The following TPM1 variants were observed in gnomAD, a reference collection of about 807,000 sequenced individuals.
The protein encoded by TPM1 is tropomyosin alpha-1 chain.
A neutral mutation model predicts 42.9 loss-of-function variants in TPM1; 24 were observed. The ratio of observed to expected loss-of-function variants is 0.56; its 90% confidence interval spans 0.41 to 0.79. TPM1 has a LOEUF of 0.79. Ranked by LOEUF, TPM1 falls within the 30% of genes least tolerant of loss-of-function variation. The pLI, the probability that TPM1 is intolerant of heterozygous loss-of-function variation, is 0.00. For missense variants in TPM1, 158 were observed against 351.8 expected, an observed-to-expected ratio of 0.45 and a Z score of 4.41; for synonymous variants, 136 against 130.1, an observed-to-expected ratio of 1.05 and a Z score of -0.31.
intron 9 of TPM1, chr15:63,064,784 T>TTTCACCGTGTTA: frequency 1.6e-6 from 1 of 628,928 alleles, no homozygotes; most frequent in Non-Finnish European, 2.0e-6. Context: ...GCTAACACGG[T>TTTCACCGTGTTA]GAAACCCTGT....
Position 63,063,390 on chromosome 15 carries a change from A to G in TPM1, c.773-674A>G. ...ATGATCTGCCAAAGTGCAGCAAAGTATGAAACCTGCAGCATTACAAAAACT... is the reference window on the plus strand; with the variant it reads ...ATGATCTGCCAAAGTGCAGCAAAGTGTGAAACCTGCAGCATTACAAAAACT... On this transcript the variant is annotated intron_variant, in intron 8 of 9. Transcript: ENST00000403994. 4 of 985,234 alleles carry G rather than the reference A, an allele frequency of 4.1e-6. No individual in the cohort carries two copies. The South Asian group carries it at 1.9e-4, about 46-fold the overall frequency. 61.0% of individuals were successfully genotyped at this position (985,234 alleles called of 1,614,324 possible).
Position 63,064,954 on chromosome 15 carries a change from G to A in TPM1, c.851+812G>A, listed in dbSNP as rs932995622. On this transcript the variant is annotated intron_variant, in intron 9 of 9. Transcript: ENST00000403994. Reference sequence around the variant, plus strand: ...CGCACTCCAGCCTGGACGACAGAGCGAGACTCTGTCTCAAGAAAAAAAAGA... The same window carrying A: ...CGCACTCCAGCCTGGACGACAGAGCAAGACTCTGTCTCAAGAAAAAAAAGA... 9 of 966,424 alleles carry A rather than the reference G, an allele frequency of 9.3e-6. No homozygotes were observed. In the African/African-American group the frequency reaches 1.1e-4, roughly 11 times the overall value. 59.9% of individuals were successfully genotyped at this position (966,424 alleles called of 1,614,324 possible).
rs760374266 is a variant in TPM1, at chr15:63,060,890, A to C, written c.514A>C (p.Ile172Leu). Residue 172 changes from isoleucine to leucine, a missense_variant, in exon 5 of 10, where the codon ATT (isoleucine) becomes CTT (leucine). Transcript: ENST00000403994. ...YEEVARKLVI[I>L]ESDLERAEER... The stretch of plus-strand genomic sequence containing the variant: ...GCAGGTGGCCCGTAAGCTGGTCATC[A>C]TTGAGAGCGACCTGGAACGTGCAGA... 1.2e-6 allele frequency: 2 copies of C among 1,614,198 alleles called. No individual in the cohort carries two copies. The highest frequency in any genetic ancestry group is 2.2e-5 in the South Asian group (2 of 91,082).
At chr15:63,067,164 GC>G (rs2036328001), downstream of TPM1, among the ~76,000 whole-genome samples, 1 of 152,068 alleles carries the variant, frequency 6.6e-6, no homozygotes, top group Non-Finnish European at 1.5e-5. Flanking sequence ...GCCCGAGAGG[GC>G]TGATATACCA....
chr15:63,067,319 C>T (rs1416254959), downstream of TPM1, among the ~76,000 whole-genome samples: 1 of 152,218 alleles, frequency 6.6e-6, no homozygotes, highest in Non-Finnish European at 1.5e-5. Context: ...ATTTTAGAAT[C>T]TGGACAATGT....
chr15:63,060,759 T>C lies in TPM1; in HGVS notation c.493-110T>C, dbSNP rs4514624. 1.8e-3 allele frequency: 2,096 copies of C among 1,190,644 alleles called. 31 individuals carry two copies. In the African/African-American group the frequency reaches 0.028, roughly 16 times the overall value. 73.8% of individuals were successfully genotyped at this position (1,190,644 alleles called of 1,614,324 possible). ...CTACCAGAAAGAGGATCATATTGTT[T>C]GTAGACAAAACCCTTAGGGCCTGAT... is the stretch of plus-strand genomic sequence containing the variant. On this transcript the variant is annotated intron_variant, in intron 4 of 9. Coordinates refer to ENST00000403994, the MANE Select transcript of TPM1 (RefSeq NM_001018005.2).
intron 2 of TPM1, among the ~76,000 whole-genome samples, chr15:63,053,143 T>G (rs2034206224): frequency 6.6e-6 from 1 of 152,220 alleles, no homozygotes; most frequent in African/African-American, 2.4e-5. Context: ...TATGTGAGCT[T>G]CCTATTACCC....
chr15:63,048,186 C>G (rs1366384705), intron 2 of TPM1: 3 of 456,922 alleles, frequency 6.6e-6, no homozygotes, highest in East Asian at 7.2e-5. Context: ...CCCCGGGTCA[C>G]CACCGCGCCG....
intron 2 of TPM1, 127 bp from the exon 3 acceptor site, chr15:63,056,858 C>T (rs1230927976): frequency 8.1e-7 from 1 of 1,237,356 alleles, no homozygotes; most frequent in South Asian, 1.2e-5. Context: ...GCTTGTAATG[C>T]ACTTAAAGGT....
intron 8 of TPM1, chr15:63,062,855 A>C: frequency 1.3e-6 from 2 of 1,525,074 alleles, no homozygotes; most frequent in South Asian, 1.2e-5. Flanking sequence ...CACCAGCCAT[A>C]GTGGCAAATG....
At chr15:63,066,420 G>C (rs747685576), downstream of TPM1, among the ~76,000 whole-genome samples, 3 of 152,204 alleles carry the variant, frequency 2.0e-5, no homozygotes, top group Non-Finnish European at 4.4e-5. Flanking sequence ...ATTGCTTGTT[G>C]AGAGTTGAAA....
chr15:63,043,681 C>T (rs1243924357), intron 1 of TPM1: 26 of 1,540,500 alleles, frequency 1.7e-5, no homozygotes, highest in Non-Finnish European at 2.2e-5. Flanking sequence ...GCCGGCCGCC[C>T]GCGCCCGCCC....
In TPM1 at chr15:63,061,698, G is replaced by T. The variant is rs943329185; in HGVS notation, c.564-15G>T. On this transcript the variant is annotated splice_polypyrimidine_tract_variant and intron_variant, in intron 5 of 9. Coordinates refer to ENST00000403994, the MANE Select transcript of TPM1 (RefSeq NM_001018005.2). The stretch of plus-strand genomic sequence containing the variant: ...CTTGTCTCCCACCCTTTCTGCCTCT[G>T]ATCGAAAACATTAGCAAATGTGCCG... The T allele has an allele frequency of 9.3e-6, 15 of 1,613,438 alleles. No homozygotes were observed. Among genetic ancestry groups the T allele is most frequent in the Non-Finnish European group, 1.3e-5 (15 of 1,179,678 alleles).
At chr15:63,048,483 C>G in intron 2 of TPM1, 1 of 1,428,210 alleles carries the variant, frequency 7.0e-7, no homozygotes, top group Non-Finnish European at 9.1e-7. Flanking sequence ...CGGACCGGCG[C>G]TGGGCAGCCA....
chr15:63,055,159 G>A (rs984987864), intron 2 of TPM1, among the ~76,000 whole-genome samples: 2 of 152,118 alleles, frequency 1.3e-5, no homozygotes, highest in Admixed American at 6.5e-5. Flanking sequence ...TCCTAGCTGG[G>A]TCCATTTACC....
chr15:63,068,156 C>T (rs1340962022), downstream of TPM1, among the ~76,000 whole-genome samples: 1 of 152,210 alleles, frequency 6.6e-6, no homozygotes, highest in East Asian at 1.9e-4. Flanking sequence ...TTGGAACCCC[C>T]AAGCATATGT....
intron 9 of TPM1, chr15:63,064,579 C>A: frequency 9.6e-7 from 1 of 1,043,696 alleles, no homozygotes; most frequent in Non-Finnish European, 1.2e-6. Context: ...CTTAAAGTGT[C>A]AGGTTATTGA....
At chr15:63,051,669 G>A (rs1339327305) in intron 2 of TPM1, among the ~76,000 whole-genome samples, 1 of 152,068 alleles carries the variant, frequency 6.6e-6, no homozygotes, top group Non-Finnish European at 1.5e-5. Context: ...AAAAAGACCT[G>A]ACCTTTGATC....
intron 9 of TPM1, chr15:63,065,060 G>A (rs1398267059): frequency 2.7e-5 from 27 of 985,122 alleles, no homozygotes; most frequent in African/African-American, 8.7e-5. Flanking sequence ...AAATACCCAC[G>A]ATAAATATTT....
Sources: gnomAD v4.1 joint callset for allele counts (sites outside exome capture counted in the v4.1 genomes callset) on GRCh38, gnomAD v4.1.1 for gene constraint, MANE v1.5 for transcripts, NCBI Gene and HGNC (gene_info 2026-07-23, HGNC 2026-07-21) for gene names.